The following PLCH1 variants were observed in gnomAD, a reference collection of about 807,000 sequenced individuals.
PLCH1 encodes 1-phosphatidylinositol 4,5-bisphosphate phosphodiesterase eta-1.
PLCH1 carries 60 observed loss-of-function variants against 126.7 expected under a neutral mutation model. The ratio of observed to expected loss-of-function variants is 0.47; its 90% CI spans 0.38 to 0.59. The LOEUF is 0.59. Ranked by LOEUF, PLCH1 falls within the 20% of genes least tolerant of loss-of-function variation. The pLI, the probability that PLCH1 is intolerant of heterozygous loss-of-function variation, is 0.00. For missense variants in PLCH1, 1,723 were observed against 2,040.0 expected, an observed-to-expected ratio of 0.84 and a Z score of 2.99; for synonymous variants, 719 against 734.9, an observed-to-expected ratio of 0.98 and a Z score of 0.35.
chr3:155,694,916 G>A (rs1272943246), intron 2 of PLCH1, among the ~76,000 whole-genome samples: 1 of 145,136 alleles, frequency 6.9e-6, no homozygotes, highest in Non-Finnish European at 1.5e-5. Context: ...CCAACCCCAG[G>A]CCTCTTTTCT....
At chr3:155,708,301 G>A (rs1746841310) in intron 1 of PLCH1, among the ~76,000 whole-genome samples, 1 of 152,208 alleles carries the variant, frequency 6.6e-6, no homozygotes, top group African/African-American at 2.4e-5. Context: ...TGGGGCAAGG[G>A]AAGAGAGCTG....
intron 8 of PLCH1, among the ~76,000 whole-genome samples, chr3:155,557,536 C>T (rs1216350304): frequency 6.6e-6 from 1 of 152,122 alleles, no homozygotes; most frequent in Non-Finnish European, 1.5e-5. Context: ...TATCTAATTC[C>T]ATCACTTGTC....
intron 1 of PLCH1, among the ~76,000 whole-genome samples, chr3:155,741,685 T>TTTTATTTTTTTA (rs1491520986): frequency 3.5e-5 from 2 of 57,326 alleles, no homozygotes; most frequent in East Asian, 9.5e-4. Flanking sequence ...TTATATCCTC[T>TTTTATTTTTTTA]TTTTTTTTTT....
intron 1 of PLCH1, among the ~76,000 whole-genome samples, chr3:155,740,150 C>T (rs576362349): frequency 2.6e-5 from 4 of 152,256 alleles, no homozygotes; most frequent in African/African-American, 9.6e-5. Context: ...ATGACTCAGG[C>T]CTGTAATCCC....
At chr3:155,597,999 C>A (rs1235174860) in intron 2 of PLCH1, among the ~76,000 whole-genome samples, 3 of 152,056 alleles carry the variant, frequency 2.0e-5, no homozygotes, top group African/African-American at 7.3e-5. Context: ...GCCTGGCCAA[C>A]ATGGTGAAAC....
intron 6 of PLCH1, among the ~76,000 whole-genome samples, chr3:155,579,892 CTT>C (rs925850126): frequency 3.3e-5 from 5 of 149,354 alleles, no homozygotes; most frequent in Admixed American, 1.3e-4. Context: ...GTCTGTCTCT[CTT>C]TCTCTCTCTC....
chr3:155,538,154 G>A (rs1026705430), intron 10 of PLCH1, among the ~76,000 whole-genome samples: 6 of 152,206 alleles, frequency 3.9e-5, no homozygotes, highest in South Asian at 4.2e-4. Context: ...TAATTGTTGC[G>A]TCAACAATGA....
intron 8 of PLCH1, among the ~76,000 whole-genome samples, chr3:155,560,845 T>C (rs1455818122): frequency 1.3e-5 from 2 of 152,028 alleles, no homozygotes; most frequent in African/African-American, 4.8e-5. Context: ...ATAAACCAAC[T>C]CCCTTTTATC....
At position 155,719,365 on chromosome 3, in the gene PLCH1, G is replaced by T. The variant is rs530057893; in HGVS notation, c.-40-15101C>A. On this transcript the variant is annotated intron_variant, in intron 1 of 22. Coordinates refer to ENST00000460012, the MANE Select transcript of PLCH1 (RefSeq NM_014996.4). ...GGAACATCACACACCGGGGCCTGTT[G>T]TGGGGTTGGGGGAGGGGGAAGGGAT... Among the ~76,000 whole-genome samples, 275 of 152,036 alleles carry T rather than the reference G, an allele frequency of 1.8e-3. 1 individual carries two copies. The highest frequency in any genetic ancestry group is 6.4e-3 in the African/African-American group (267 of 41,468).
At chr3:155,708,743 C>T (rs1401375179) in intron 1 of PLCH1, among the ~76,000 whole-genome samples, 2 of 151,942 alleles carry the variant, frequency 1.3e-5, no homozygotes, top group Admixed American at 1.3e-4. Flanking sequence ...TTTCAACTTG[C>T]TTTTAAGACT....
intron 21 of PLCH1, among the ~76,000 whole-genome samples, chr3:155,458,558 AAAAG>A (rs67516588): frequency 0.26 from 33,805 of 128,272 alleles, 6,622 homozygotes; most frequent in African/African-American, 0.46. Context: ...AAGAAAGAGA[AAAAG>A]AAAGAAAGAA....
chr3:155,488,553 C>T (rs188905676), intron 20 of PLCH1, 107 bp downstream of exon 20: 5 of 977,952 alleles, frequency 5.1e-6, no homozygotes, highest in African/African-American at 5.0e-5. Flanking sequence ...TATTACATGA[C>T]ACATATTTTA....
At position 155,504,388 on chromosome 3, in the gene PLCH1, G is replaced by A. The variant is rs139235257; in HGVS notation, c.1704+167C>T. 3.1e-4 allele frequency among the ~76,000 whole-genome samples: 47 copies of A among 152,192 alleles called. No homozygotes were observed. In the East Asian group the frequency reaches 3.5e-3, roughly 11 times the overall value. On this transcript the variant is annotated intron_variant, in intron 13 of 22. Coordinates refer to ENST00000460012, the MANE Select transcript of PLCH1 (RefSeq NM_014996.4). ...ACTTGCTTTTTGATACTGTTGATGC[G>A]TAGAAGTTCTTAACTTTTAAAGTAG...
At chr3:155,599,419 C>T (rs1733425875) in intron 2 of PLCH1, among the ~76,000 whole-genome samples, 2 of 151,956 alleles carry the variant, frequency 1.3e-5, no homozygotes, top group African/African-American at 4.8e-5. Context: ...AAAAGATGAG[C>T]CTCTATCTTT....
chr3:155,590,533 C>A (rs1031848829), intron 4 of PLCH1, among the ~76,000 whole-genome samples: 10 of 135,932 alleles, frequency 7.4e-5, no homozygotes, highest in African/African-American at 2.5e-4. Flanking sequence ...AGCCGAGATC[C>A]TGCCACTGCA....
At chr3:155,478,256 G>A (rs1446402795), downstream of PLCH1, among the ~76,000 whole-genome samples, 1 of 152,102 alleles carries the variant, frequency 6.6e-6, no homozygotes, top group African/African-American at 2.4e-5. Context: ...AGTGTAGTGG[G>A]AGACTGGGAG....
At chr3:155,583,422 C>A (rs756611728) in intron 6 of PLCH1, 50 bp downstream of exon 6, 6 of 1,417,592 alleles carry the variant, frequency 4.2e-6, no homozygotes, top group African/African-American at 2.9e-5. Context: ...AAAGACATAT[C>A]TTTCATGAGT....
At chr3:155,686,682 T>C (rs1241794644) in intron 2 of PLCH1, among the ~76,000 whole-genome samples, 9 of 152,170 alleles carry the variant, frequency 5.9e-5, no homozygotes, top group Admixed American at 5.9e-4. Flanking sequence ...ATGTTACTGA[T>C]TCATCAATCA....
At chr3:155,454,215 G>A (rs759965016) in intron 21 of PLCH1, among the ~76,000 whole-genome samples, 1 of 152,148 alleles carries the variant, frequency 6.6e-6, no homozygotes, top group Non-Finnish European at 1.5e-5. Flanking sequence ...ACCAGCTTTT[G>A]AGAAAAGAAA....
Sources: allele counts gnomAD v4.1 joint callset (sites outside exome capture counted in the v4.1 genomes callset), GRCh38; gene constraint gnomAD v4.1.1; transcripts MANE v1.5; gene names NCBI Gene and HGNC (gene_info 2026-07-23, HGNC 2026-07-21).